The following INTS8 variants were observed in gnomAD, a reference collection of about 807,000 sequenced individuals.
The protein encoded by INTS8 is integrator complex subunit 8.
In INTS8, 47 loss-of-function variants were observed where a neutral mutation model predicts 138.9. The observed-to-expected ratio is 0.34, with a 90% CI of 0.27 to 0.43. INTS8 has a LOEUF of 0.43. Among genes scored for constraint, INTS8 ranks in the 20% least tolerant of loss-of-function variants. The pLI is 1.00. For missense variants in INTS8, 996 were observed against 1,173.0 expected, an observed-to-expected ratio of 0.85 and a Z score of 2.20; for synonymous variants, 392 against 400.9, an observed-to-expected ratio of 0.98 and a Z score of 0.27.
At chr8:94,842,073 G>GAAA (rs796273255) in intron 9 of INTS8, among the ~76,000 whole-genome samples, 4 of 116,022 alleles carry the variant, frequency 3.4e-5, no homozygotes, top group East Asian at 3.0e-4. Flanking sequence ...CGTCTCAAAA[G>GAAA]AAAAAAAAAA....
rs143620730 is a variant in INTS8 at position 94,877,291 on chromosome 8, T to C, written c.2871+802T>C. On this transcript the variant is annotated intron_variant, in intron 26 of 26. Transcript: ENST00000523731. ...GATCTTTTCTTTGCTCTTTCACTTA[T>C]ATTAATTTAAAAAAATGCTATTTAT... 3.3e-3 allele frequency among the ~76,000 whole-genome samples: 500 copies of C among 152,324 alleles called. 8 individuals carry two copies. Among genetic ancestry groups the C allele is most frequent in the Admixed American group, 0.023 (355 of 15,300 alleles).
Position 94,881,454 on chromosome 8 carries a change from ATAAT to A in INTS8, c.*1224_*1227del, listed in dbSNP as rs1200899766. On this transcript the variant is annotated 3_prime_UTR_variant, in exon 27 of 27. Coordinates refer to ENST00000523731, the MANE Select transcript of INTS8 (RefSeq NM_017864.4). ...GTTTCTTTAACAGCTAACATAGGAA[ATAAT>A]TAAATGTATTCTTTAGTGCCAATTG... 1 of 592,824 alleles carries A rather than the reference ATAAT, an allele frequency of 1.7e-6. No homozygotes were observed. Among genetic ancestry groups the A allele is most frequent in the Non-Finnish European group, 2.9e-6 (1 of 344,170 alleles). The allele number at this position is 592,824 out of a possible 1,614,324, so 36.7% of individuals were successfully genotyped here.
intron 20 of INTS8, chr8:94,867,555 ACT>A (rs1324485591): frequency 1.5e-5 from 6 of 408,464 alleles, no homozygotes; most frequent in African/African-American, 2.5e-5. Flanking sequence ...GCAGAGTCTC[ACT>A]CTGTTGCCCA....
intron 21 of INTS8, among the ~76,000 whole-genome samples, chr8:94,872,812 A>C (rs1816444029): frequency 1.3e-5 from 2 of 152,194 alleles, no homozygotes; most frequent in African/African-American, 2.4e-5. Context: ...TTTAATTTTT[A>C]AGATTTTTTC....
chr8:94,862,893 A>G (rs1299432224), intron 16 of INTS8, among the ~76,000 whole-genome samples: 2 of 152,142 alleles, frequency 1.3e-5, no homozygotes, highest in Admixed American at 1.3e-4. Context: ...AAAAGTCTGA[A>G]AGGATATTAA....
rs767666803 is a variant in INTS8 at position 94,876,112 on chromosome 8, C to T, written c.2727C>T (p.Tyr909=). 1.2e-6 allele frequency: 2 copies of T among 1,610,772 alleles called. No homozygotes were observed. The highest frequency in any genetic ancestry group is 1.1e-5 in the South Asian group (1 of 90,982). The change falls in exon 24 of 27, where the codon TAC becomes TAT. Residue 909 remains tyrosine, a synonymous_variant. Transcript: ENST00000523731. ...GTCAGTTCCTCAGAGAAATTGACTA[C>T]AAAACAGCGTTTAAATCTCTGCAAG... ...ILCQFLREID[Y]KTAFKSLQEQ...
rs1816404332 is a variant in INTS8, at chr8:94,871,732, G to C, written c.2415-152G>C. ...ACACTTTCTTAGACTTAGTTGTGTTGATAGTTCTTATAATACATTTACTCC... is the reference window on the plus strand; with the variant it reads ...ACACTTTCTTAGACTTAGTTGTGTTCATAGTTCTTATAATACATTTACTCC... On this transcript the variant is annotated intron_variant, in intron 20 of 26. Transcript: ENST00000523731. The C allele has an allele frequency of 7.0e-6, 4 of 572,560 alleles. No homozygotes were observed. In the East Asian group the frequency reaches 1.2e-4, roughly 18 times the overall value. 35.5% of individuals were successfully genotyped at this position (572,560 alleles called of 1,614,324 possible). A position where few individuals can be genotyped will look rare whatever the true frequency, so the allele number is the denominator to read the frequency against.
At chr8:94,871,002 A>G (rs1035131513) in intron 20 of INTS8, among the ~76,000 whole-genome samples, 8 of 151,890 alleles carry the variant, frequency 5.3e-5, no homozygotes, top group African/African-American at 1.9e-4. Context: ...AGATGCACTG[A>G]TATGATATAC....
chr8:94,823,825 C>T (rs1814377640), intron 1 of INTS8, among the ~76,000 whole-genome samples: 1 of 152,184 alleles, frequency 6.6e-6, no homozygotes, highest in Non-Finnish European at 1.5e-5. Context: ...TTACGATTTA[C>T]CTTTTTACTG....
chr8:94,858,657 C>A (rs1481493707), intron 15 of INTS8, among the ~76,000 whole-genome samples: 1 of 152,172 alleles, frequency 6.6e-6, no homozygotes, highest in Non-Finnish European at 1.5e-5. Context: ...TCCTTATCCC[C>A]ATTTTGTAAC....
intron 17 of INTS8, 84 bp from the exon 18 acceptor site, chr8:94,866,074 T>C: frequency 1.6e-6 from 1 of 623,302 alleles, no homozygotes; most frequent in Non-Finnish European, 2.9e-6. Context: ...GCATTAAGAA[T>C]AAACCTTCAC....
chr8:94,827,171 G>T (rs2130991176), intron 2 of INTS8, 92 bp from the exon 3 acceptor site: 3 of 1,093,606 alleles, frequency 2.7e-6, no homozygotes, highest in Non-Finnish European at 4.1e-6. Flanking sequence ...CCTTAACAAT[G>T]TAGGTATTTT....
At chr8:94,848,009 A>G (rs1391121935) in intron 10 of INTS8, among the ~76,000 whole-genome samples, 1 of 123,878 alleles carries the variant, frequency 8.1e-6, no homozygotes, top group Non-Finnish European at 1.8e-5. Context: ...CTTTTAAAAC[A>G]CTGCTTTTTT....
At chr8:94,851,482 T>A in intron 12 of INTS8, 71 bp from the exon 13 acceptor site, 1 of 1,087,172 alleles carries the variant, frequency 9.2e-7, no homozygotes, top group Non-Finnish European at 1.3e-6. Context: ...ACAAAATACA[T>A]AATTTTAAGT....
At chr8:94,844,734 G>A (rs1815266859) in intron 10 of INTS8, among the ~76,000 whole-genome samples, 1 of 149,612 alleles carries the variant, frequency 6.7e-6, no homozygotes, top group South Asian at 2.1e-4. Flanking sequence ...TCTTCACTGA[G>A]TTTGACTTTT....
At chr8:94,839,843 C>CTA (rs1815068468) in intron 8 of INTS8, among the ~76,000 whole-genome samples, 1 of 152,124 alleles carries the variant, frequency 6.6e-6, no homozygotes, top group Admixed American at 6.6e-5. Flanking sequence ...TTGCAGTGAG[C>CTA]TATGATAGCA....
chr8:94,876,037 A>G, intron 23 of INTS8, 37 bp from the exon 24 acceptor site: 3 of 1,376,216 alleles, frequency 2.2e-6, no homozygotes, highest in Non-Finnish European at 3.1e-6. Flanking sequence ...CCAAGCTTTC[A>G]TTACATGAAA....
At chr8:94,876,383 G>A in intron 25 of INTS8, 63 bp from the exon 26 acceptor site, 1 of 1,405,072 alleles carries the variant, frequency 7.1e-7, no homozygotes, top group Non-Finnish European at 9.9e-7. Flanking sequence ...AACTGAAAAT[G>A]AGTTGAGATT....
chr8:94,824,021 A>C (rs1814386557), intron 1 of INTS8, among the ~76,000 whole-genome samples: 1 of 152,164 alleles, frequency 6.6e-6, no homozygotes, highest in South Asian at 2.1e-4. Flanking sequence ...TCAGTGAGGG[A>C]ATTTTATTGA....
Sources: gnomAD v4.1 joint callset for allele counts (sites outside exome capture counted in the v4.1 genomes callset) on GRCh38, gnomAD v4.1.1 for gene constraint, MANE v1.5 for transcripts, NCBI Gene and HGNC (gene_info 2026-07-23, HGNC 2026-07-21) for gene names.